MED27: variants seen among roughly 807,000 people sequenced by gnomAD.
MED27 encodes the protein mediator complex subunit 27.
A neutral mutation model predicts 38.2 loss-of-function variants in MED27; 30 were observed. The observed-to-expected ratio is 0.79, with a 90% CI of 0.59 to 1.07. The LOEUF is 1.07. Among genes scored for constraint, MED27 ranks in the 50% least tolerant of loss-of-function variants. The probability of loss-of-function intolerance (pLI) is 0.00; values close to 1 mark genes in which losing one functional copy is unlikely to be tolerated. For synonymous variants in MED27, 122 were observed against 153.5 expected, an observed-to-expected ratio of 0.79 and a Z score of 1.52; for missense variants, 289 against 397.5, an observed-to-expected ratio of 0.73 and a Z score of 2.32.
chr9:132,059,771 G>A (rs192859076), intron 2 of MED27, among the ~76,000 whole-genome samples: 1 of 152,336 alleles, frequency 6.6e-6, no homozygotes, highest in Admixed American at 6.5e-5. Flanking sequence ...AGGGACATAC[G>A]ACTTCCCTCA....
At chr9:132,065,616 G>T (rs1415190119) in intron 2 of MED27, among the ~76,000 whole-genome samples, 2 of 152,194 alleles carry the variant, frequency 1.3e-5, no homozygotes, top group Non-Finnish European at 2.9e-5. Context: ...CGCACACAAG[G>T]GTGCCTGCCA....
intron 4 of MED27, among the ~76,000 whole-genome samples, chr9:131,902,057 C>T (rs1319532873): frequency 6.6e-6 from 1 of 152,178 alleles, no homozygotes; most frequent in Non-Finnish European, 1.5e-5. Context: ...GTCATGGACT[C>T]CTCCAGCCAC....
intron 4 of MED27, among the ~76,000 whole-genome samples, chr9:131,907,203 C>CTCTCCCTCTCCCTCTCCCCACGG (rs1479280546): frequency 6.6e-6 from 1 of 151,720 alleles, no homozygotes; most frequent in African/African-American, 2.4e-5. Flanking sequence ...CGTGCTCTCC[C>CTCTCCCTCTCCCTCTCCCCACGG]TCTCCCTCTC....
intron 2 of MED27, among the ~76,000 whole-genome samples, chr9:132,023,317 A>G (rs944353790): frequency 1.3e-5 from 2 of 152,212 alleles, no homozygotes; most frequent in African/African-American, 4.8e-5. Context: ...TCAGTCACTC[A>G]TTGCCAAGGT....
chr9:132,034,207 C>T, intron 2 of MED27, among the ~76,000 whole-genome samples: 1 of 152,172 alleles, frequency 6.6e-6, no homozygotes, highest in Non-Finnish European at 1.5e-5. Flanking sequence ...AAAGGCATAA[C>T]ATATCATTAG....
chr9:131,976,128 T>C (rs1327596815), intron 3 of MED27, among the ~76,000 whole-genome samples: 5 of 152,154 alleles, frequency 3.3e-5, no homozygotes, highest in Admixed American at 2.0e-4. Flanking sequence ...GAGAAGGTTG[T>C]GTGTGGACCA....
chr9:131,952,877 T>C (rs1389263995), intron 3 of MED27, among the ~76,000 whole-genome samples: 1 of 152,266 alleles, frequency 6.6e-6, no homozygotes, highest in Non-Finnish European at 1.5e-5. Context: ...CCCACACCTT[T>C]GGAAACAGTC....
At chr9:132,073,620 A>G in intron 2 of MED27, 1 of 1,445,774 alleles carries the variant, frequency 6.9e-7, no homozygotes, top group Non-Finnish European at 9.0e-7. Flanking sequence ...GTGAGAGGTG[A>G]ACTTTGCAGT....
intron 2 of MED27, among the ~76,000 whole-genome samples, 174 bp from the exon 3 acceptor site, chr9:132,014,641 G>T (rs527655287): frequency 6.6e-6 from 1 of 152,216 alleles, no homozygotes; most frequent in East Asian, 1.9e-4. Flanking sequence ...AAGATAATCA[G>T]ACAAACAGGA....
chr9:131,864,068 T>C (rs1209612944), intron 6 of MED27, among the ~76,000 whole-genome samples: 1 of 152,222 alleles, frequency 6.6e-6, no homozygotes, highest in East Asian at 1.9e-4. Context: ...TGTGAATTGT[T>C]AATGCCCGCC....
intron 2 of MED27, among the ~76,000 whole-genome samples, chr9:132,020,624 A>T: frequency 6.6e-6 from 1 of 152,216 alleles, no homozygotes; most frequent in East Asian, 1.9e-4. Context: ...TTTTGTTTCC[A>T]GCTAATGAGA....
Position 132,079,663 on chromosome 9 carries a change from T to C in MED27, c.182A>G (p.His61Arg). Residue 61 changes from histidine (H) to arginine (R), a missense_variant, in exon 1 of 8, where the codon CAT becomes CGT. Physicochemically the swap from His to Arg is conservative, Grantham distance 29. Transcript: ENST00000292035. Reference protein sequence around the residue: ...AFIAHFQDNLHSVNRDLNELE... With the variant: ...AFIAHFQDNLRSVNRDLNELE... ...CTACTTGAGGTCCCGGTTGACCGAA[T>C]GTAAGTTGTCCTGGAAGTGCGCAAT... 6.2e-7 allele frequency: 1 copy of C among 1,612,484 alleles called. No homozygotes were observed. Among genetic ancestry groups the C allele is most frequent in the South Asian group, 1.1e-5 (1 of 91,008 alleles).
chr9:132,023,056 T>G (rs761487465), intron 2 of MED27, among the ~76,000 whole-genome samples: 2 of 152,196 alleles, frequency 1.3e-5, no homozygotes, highest in Non-Finnish European at 2.9e-5. Flanking sequence ...TGAAATCAAA[T>G]GCAATGCTAG....
chr9:132,053,369 A>C (rs1833507628), intron 2 of MED27, among the ~76,000 whole-genome samples: 2 of 152,152 alleles, frequency 1.3e-5, no homozygotes, highest in Admixed American at 1.3e-4. Context: ...TAATTTTGTT[A>C]GGATGAGCAC....
intron 3 of MED27, among the ~76,000 whole-genome samples, chr9:132,007,754 C>T (rs757716557): frequency 6.6e-6 from 1 of 151,566 alleles, no homozygotes; most frequent in Non-Finnish European, 1.5e-5. Flanking sequence ...AAAAGGAGAC[C>T]AATGGAGACA....
At chr9:132,000,104 TTG>T (rs1832189326) in intron 3 of MED27, among the ~76,000 whole-genome samples, 1 of 135,722 alleles carries the variant, frequency 7.4e-6, no homozygotes, top group African/African-American at 3.0e-5. Flanking sequence ...AAAATCACTT[TTG>T]ATCAAAAGTA....
intron 2 of MED27, among the ~76,000 whole-genome samples, chr9:132,059,371 C>T (rs1024771793): frequency 2.6e-5 from 4 of 152,196 alleles, no homozygotes; most frequent in African/African-American, 9.6e-5. Context: ...GTAATTTGTG[C>T]ATAATGATCC....
chr9:131,929,691 G>C (rs1830545751), intron 4 of MED27, among the ~76,000 whole-genome samples: 1 of 152,218 alleles, frequency 6.6e-6, no homozygotes. Context: ...GTGGAAAGGG[G>C]AGGGAAGAGT....
chr9:132,056,552 A>T (rs1368498188), intron 2 of MED27, among the ~76,000 whole-genome samples: 1 of 152,246 alleles, frequency 6.6e-6, no homozygotes, highest in Non-Finnish European at 1.5e-5. Flanking sequence ...TTTGGATTTC[A>T]GATTTTTGGA....
Sources: allele counts gnomAD v4.1 joint callset (sites outside exome capture counted in the v4.1 genomes callset), GRCh38; gene constraint gnomAD v4.1.1; transcripts MANE v1.5; gene names NCBI Gene and HGNC (gene_info 2026-07-23, HGNC 2026-07-21).